CENPF: variants seen among roughly 807,000 people sequenced by gnomAD.
CENPF encodes centromere protein F, also known as AH antigen.
A neutral mutation model predicts 307.3 loss-of-function variants in CENPF; 214 were observed. That is an observed-to-expected ratio of 0.70 (90% CI 0.62 to 0.78). The LOEUF (loss-of-function observed/expected upper bound fraction) is 0.78, where lower values mean the gene tolerates loss of function less well. Ranked by LOEUF, CENPF falls within the 30% of genes least tolerant of loss-of-function variation. The pLI is 0.00. For synonymous variants in CENPF, 1,259 were observed against 1,270.6 expected, an observed-to-expected ratio of 0.99 and a Z score of 0.19; for missense variants, 3,401 against 3,483.9, an observed-to-expected ratio of 0.98 and a Z score of 0.60.
intron 2 of CENPF, 34 bp downstream of exon 2, chr1:214,613,950 A>G: frequency 5.1e-6 from 8 of 1,569,374 alleles, no homozygotes; most frequent in South Asian, 1.2e-5. Flanking sequence ...GTAGCTGTTC[A>G]CTCATTATTG....
chr1:214,617,584 A>G (rs534239437), intron 3 of CENPF, among the ~76,000 whole-genome samples: 1 of 152,300 alleles, frequency 6.6e-6, no homozygotes, highest in South Asian at 2.1e-4. Context: ...CATATATACA[A>G]TATGTAACTT....
chr1:214,655,765 A>G (rs1391779400), intron 17 of CENPF, among the ~76,000 whole-genome samples: 1 of 151,944 alleles, frequency 6.6e-6, no homozygotes, highest in Non-Finnish European at 1.5e-5. Context: ...TAATTTTTGT[A>G]TTTTTTGTAG....
In CENPF at chr1:214,642,395, A is replaced by C; in HGVS notation, c.4057A>C (p.Ser1353Arg). ...TGAAGTTAAAATATTAAATGATGACAGTGGTCTTCTCCATGGTGAGTTAGT... is the reference window on the plus strand; with the variant it reads ...TGAAGTTAAAATATTAAATGATGACCGTGGTCTTCTCCATGGTGAGTTAGT... ...LNEVKILNDD[S>R]GLLHGELVED... The change falls in exon 12 of 20, where the codon AGT becomes CGT. Residue 1353 changes from serine (S) to arginine (R), a missense_variant. Coordinates refer to ENST00000366955, the MANE Select transcript of CENPF (RefSeq NM_016343.4). The C allele has an allele frequency of 6.2e-7, 1 of 1,607,206 alleles. No individual in the cohort carries two copies. The highest frequency in any genetic ancestry group is 1.1e-5 in the South Asian group (1 of 89,372).
chr1:214,622,258 C>A lies in CENPF; in HGVS notation c.1045C>A (p.Gln349Lys). ...CRDELVRTTA[Q>K]YDQASTKYTA... is the part of the protein sequence containing the mutation. ...GGATGAACTAGTGAGAACAACAGCA[C>A]AATACGACCAGGCGTCAACCAAGGT... is the stretch of plus-strand genomic sequence containing the variant. Residue 349 changes from glutamine to lysine, a missense_variant, in exon 7 of 20, where the codon CAA becomes AAA. By Grantham distance (53) the Gln-to-Lys change is moderately conservative. Transcript: ENST00000366955. 6.2e-7 allele frequency: 1 copy of A among 1,612,606 alleles called. No homozygotes were observed. The highest frequency in any genetic ancestry group is 8.5e-7 in the Non-Finnish European group (1 of 1,179,546).
At position 214,647,039 on chromosome 1, in the gene CENPF, A is replaced by C. The variant is rs1411619098; in HGVS notation, c.7469A>C (p.Asp2490Ala). The part of the protein sequence containing the change: ...LEKAQLLQGL[D>A]EAKNNYIVLQ... ...AAGGCTCAGTTGCTACAAGGCCTTGATGAGGCCAAAAATAATTATATTGTT... is the reference window on the plus strand; with the variant it reads ...AAGGCTCAGTTGCTACAAGGCCTTGCTGAGGCCAAAAATAATTATATTGTT... The change falls in exon 13 of 20, where the codon GAT becomes GCT. Residue 2490 changes from aspartate to alanine, a missense_variant. Asp to Ala is a moderately radical substitution (Grantham distance 126). Transcript: ENST00000366955. The C allele has an allele frequency of 1.2e-6, 2 of 1,613,966 alleles. No homozygotes were observed. The highest frequency in any genetic ancestry group is 1.7e-6 in the Non-Finnish European group (2 of 1,180,002).
In CENPF at chr1:214,640,922, G is replaced by A. The variant is rs779117713; in HGVS notation, c.2584G>A (p.Glu862Lys). The A allele has an allele frequency of 6.2e-7, 1 of 1,608,562 alleles. No individual in the cohort carries two copies. ...TGAAGAGTTGGTGCAAATCAAAGGA[G>A]AAATAGAAGAAAATCTCATGAAAGC... ...QCEELVQIKGEIEENLMKAEQ... is the reference protein window; with the variant it reads ...QCEELVQIKGKIEENLMKAEQ... Residue 862 changes from glutamate to lysine, a missense_variant, in exon 12 of 20, where the codon GAA becomes AAA. Transcript: ENST00000366955.
chr1:214,638,074 C>T, intron 11 of CENPF, 73 bp downstream of exon 11: 1 of 1,400,334 alleles, frequency 7.1e-7, no homozygotes, highest in Non-Finnish European at 9.6e-7. Context: ...ATGGCATTAA[C>T]ATATTAGAGA....
In CENPF at chr1:214,641,957, A is replaced by G; in HGVS notation, c.3619A>G (p.Asn1207Asp). ...EVKEISLDSY[N>D]AQLVQLEAML... is the part of the protein sequence containing the mutation. The stretch of plus-strand genomic sequence containing the variant: ...TAAAGAAATTTCTCTAGATAGTTAT[A>G]ATGCGCAGTTGGTGCAATTAGAAGC... Residue 1207 changes from asparagine to aspartate, a missense_variant, in exon 12 of 20, where the codon AAT becomes GAT. Transcript: ENST00000366955. 1 of 1,597,086 alleles carries G rather than the reference A, an allele frequency of 6.3e-7. No homozygotes were observed. The highest frequency in any genetic ancestry group is 2.2e-5 in the East Asian group (1 of 44,824).
chr1:214,624,922 T>C (rs1182916263), intron 7 of CENPF, among the ~76,000 whole-genome samples: 6 of 152,186 alleles, frequency 3.9e-5, no homozygotes, highest in Admixed American at 2.6e-4. Context: ...GTTTCTCCTT[T>C]GATTTCTTCC....
chr1:214,634,545 C>T (rs1304981286), intron 10 of CENPF, among the ~76,000 whole-genome samples: 1 of 152,192 alleles, frequency 6.6e-6, no homozygotes, highest in Admixed American at 6.5e-5. Flanking sequence ...CCTGCCTTTT[C>T]AAGGCTGTAT....
In CENPF at chr1:214,630,604, C is replaced by T. The variant is rs552331813; in HGVS notation, c.1265C>T (p.Thr422Ile). The T allele has an allele frequency of 1.9e-6, 3 of 1,614,140 alleles. No homozygotes were observed. The African/African-American group carries it at 4.0e-5, about 22-fold the overall frequency. The change falls in exon 9 of 20, where the codon ACC becomes ATC. Residue 422 changes from threonine (T) to isoleucine (I), a missense_variant. Thr to Ile is a moderately conservative substitution (Grantham distance 89, BLOSUM62 -1). Transcript: ENST00000366955. ...QECIQMKARL[T>I]QELQQAKNMH... is the part of the protein sequence containing the mutation. ...TGCATCCAGATGAAGGCCAGACTCACCCAGGAGTTACAGCAAGCCAAGAAT... is the reference window on the plus strand; with the variant it reads ...TGCATCCAGATGAAGGCCAGACTCATCCAGGAGTTACAGCAAGCCAAGAAT...
At chr1:214,608,556 G>A (rs997339321) in intron 1 of CENPF, 19 of 1,610,996 alleles carry the variant, frequency 1.2e-5, no homozygotes, top group Non-Finnish European at 1.5e-5. Flanking sequence ...CGCGGTTGCG[G>A]CGGGCGCTCT....
At chr1:214,617,926 A>G (rs149730380) in intron 3 of CENPF, among the ~76,000 whole-genome samples, 21 of 152,328 alleles carry the variant, frequency 1.4e-4, no homozygotes, top group African/African-American at 4.3e-4. Flanking sequence ...TCAAACTGCT[A>G]TAAAGAACTG....
chr1:214,646,496 G>T lies in CENPF; in HGVS notation c.6926G>T (p.Arg2309Leu), dbSNP rs145858780. Residue 2309 changes from arginine to leucine, a missense_variant, in exon 13 of 20, where the codon CGC becomes CTC. Arg to Leu is a moderately radical substitution (Grantham distance 102). Transcript: ENST00000366955. ...LRNSIEKLRA[R>L]LEADEKKQLC... is the part of the protein sequence containing the mutation. Reference sequence around the variant, plus strand: ...AATAGCATTGAAAAGCTGAGAGCCCGCCTAGAAGCTGATGAAAAGAAGCAG... The same window carrying T: ...AATAGCATTGAAAAGCTGAGAGCCCTCCTAGAAGCTGATGAAAAGAAGCAG... 6.2e-7 allele frequency: 1 copy of T among 1,614,128 alleles called. No homozygotes were observed. Among genetic ancestry groups the T allele is most frequent in the Non-Finnish European group, 8.5e-7 (1 of 1,180,000 alleles).
At position 214,610,551 on chromosome 1, in the gene CENPF, G is replaced by A. The variant is rs138375068; in HGVS notation, c.-41-3163G>A. On this transcript the variant is annotated intron_variant, in intron 1 of 19. Transcript: ENST00000366955. ...TTAATGGGGTTGTTGTTTTTCTCTTGTAAATTTAAGTTCCTTATAGATGCT... is the reference window on the plus strand; with the variant it reads ...TTAATGGGGTTGTTGTTTTTCTCTTATAAATTTAAGTTCCTTATAGATGCT... 3.7e-3 allele frequency among the ~76,000 whole-genome samples: 538 copies of A among 145,612 alleles called. 2 individuals are homozygous for A. The highest frequency in any genetic ancestry group is 0.013 in the African/African-American group (501 of 39,680).
In CENPF at chr1:214,640,958, C is replaced by G; in HGVS notation, c.2620C>G (p.His874Asp). 1 of 1,604,708 alleles carries G rather than the reference C, an allele frequency of 6.2e-7. No individual in the cohort carries two copies. The highest frequency in any genetic ancestry group is 8.5e-7 in the Non-Finnish European group (1 of 1,177,778). Residue 874 changes from histidine to aspartate, a missense_variant, in exon 12 of 20, where the codon CAT becomes GAT. Physicochemically the swap from His to Asp is moderately conservative, Grantham distance 81. Coordinates refer to ENST00000366955, the MANE Select transcript of CENPF (RefSeq NM_016343.4). ...EENLMKAEQM[H>D]QSFVAETSQR... Reference sequence around the variant, plus strand: ...AAATCTCATGAAAGCAGAACAGATGCATCAAAGTTTTGTGGCTGAAACAAG... The same window carrying G: ...AAATCTCATGAAAGCAGAACAGATGGATCAAAGTTTTGTGGCTGAAACAAG...
intron 7 of CENPF, among the ~76,000 whole-genome samples, chr1:214,623,340 A>G (rs763532263): frequency 6.6e-6 from 1 of 152,194 alleles, no homozygotes; most frequent in Non-Finnish European, 1.5e-5. Flanking sequence ...AGTAATCTAG[A>G]GATGATTTAA....
At chr1:214,617,670 G>A (rs1008250069) in intron 3 of CENPF, among the ~76,000 whole-genome samples, 2 of 151,998 alleles carry the variant, frequency 1.3e-5, no homozygotes, top group Non-Finnish European at 2.9e-5. Context: ...TTTTATATCT[G>A]TGTTTTAAAA....
At position 214,641,325 on chromosome 1, in the gene CENPF, A is replaced by G. The variant is rs1465708009; in HGVS notation, c.2987A>G (p.Lys996Arg). ...CAAGAGAAGATGAACTTAATCCAGA[A>G]AAGTGAGAGTTTTGCAAACTATATA... Reference protein sequence around the residue: ...LNQEKMNLIQKSESFANYIDE... With the variant: ...LNQEKMNLIQRSESFANYIDE... Residue 996 changes from lysine (K) to arginine (R), a missense_variant, in exon 12 of 20, where the codon AAA becomes AGA. Lys to Arg is a conservative substitution (Grantham distance 26). Transcript: ENST00000366955. 1.9e-6 allele frequency: 3 copies of G among 1,612,626 alleles called. No individual in the cohort carries two copies. Among genetic ancestry groups the G allele is most frequent in the Admixed American group, 3.3e-5 (2 of 59,758 alleles).
Sources: gnomAD v4.1 joint callset for allele counts (sites outside exome capture counted in the v4.1 genomes callset) on GRCh38, gnomAD v4.1.1 for gene constraint, MANE v1.5 for transcripts, NCBI Gene and HGNC (gene_info 2026-07-23, HGNC 2026-07-21) for gene names.